OPCML: variants seen among roughly 807,000 people sequenced by gnomAD.
OPCML encodes opioid binding protein/cell adhesion molecule like.
A neutral mutation model predicts 37.8 loss-of-function variants in OPCML; 13 were observed. The ratio of observed to expected loss-of-function variants is 0.34; its 90% CI spans 0.22 to 0.55. The LOEUF (loss-of-function observed/expected upper bound fraction) is 0.55, where lower values mean the gene tolerates loss of function less well. OPCML is among the 20% of genes least tolerant of loss of function. The probability of loss-of-function intolerance (pLI) is 0.91; values close to 1 mark genes in which losing one functional copy is unlikely to be tolerated. For synonymous variants in OPCML, 176 were observed against 168.8 expected (o/e 1.04, Z -0.33); for missense variants, 341 against 435.6 (o/e 0.78, Z 1.93).
chr11:132,960,338 C>G (rs1029057718), intron 1 of OPCML, among the ~76,000 whole-genome samples: 53 of 152,302 alleles, frequency 3.5e-4, no homozygotes, highest in African/African-American at 1.1e-3. Flanking sequence ...GTTTGCTGTG[C>G]TTAGTACAGA....
intron 2 of OPCML, among the ~76,000 whole-genome samples, chr11:132,731,824 A>G (rs775998705): frequency 6.6e-6 from 1 of 152,320 alleles, no homozygotes; most frequent in African/African-American, 2.4e-5. Flanking sequence ...AAAGAAATAC[A>G]ATTGTCAACT....
chr11:133,285,654 C>T (rs1565549072), intron 1 of OPCML, among the ~76,000 whole-genome samples: 2 of 152,200 alleles, frequency 1.3e-5, no homozygotes, highest in South Asian at 2.1e-4. Context: ...CAATGCTGCT[C>T]ATTAACATAG....
chr11:132,548,359 CCTGCCCCCCTATAT>C (rs1352275885), intron 3 of OPCML, among the ~76,000 whole-genome samples: 2 of 152,148 alleles, frequency 1.3e-5, no homozygotes, highest in Non-Finnish European at 2.9e-5. Flanking sequence ...CTCCCTGGCA[CCTGCCCCCCTATAT>C]CTGCCCCAGA....
chr11:132,817,481 A>G (rs1939700955), intron 2 of OPCML, among the ~76,000 whole-genome samples: 2 of 152,090 alleles, frequency 1.3e-5, no homozygotes, highest in Admixed American at 1.3e-4. Flanking sequence ...TTTGGAAAAA[A>G]AATTTTTAAA....
At chr11:132,670,875 A>T (rs932684710) in intron 2 of OPCML, among the ~76,000 whole-genome samples, 2 of 149,624 alleles carry the variant, frequency 1.3e-5, no homozygotes, top group South Asian at 2.1e-4. Flanking sequence ...CCTAGTGTTC[A>T]TCTCTCCATC....
chr11:133,181,607 A>T (rs1172178095), intron 1 of OPCML, among the ~76,000 whole-genome samples: 1 of 152,080 alleles, frequency 6.6e-6, no homozygotes, highest in African/African-American at 2.4e-5. Context: ...TCCAGGCTGG[A>T]TCTCAGCTAC....
chr11:132,608,822 C>G (rs1938461012), intron 3 of OPCML, among the ~76,000 whole-genome samples: 1 of 152,134 alleles, frequency 6.6e-6, no homozygotes, highest in Non-Finnish European at 1.5e-5. Flanking sequence ...CCAGGGAGTT[C>G]CTTTGCTCAC....
At chr11:132,862,667 C>T (rs925878581) in intron 2 of OPCML, among the ~76,000 whole-genome samples, 3 of 152,078 alleles carry the variant, frequency 2.0e-5, no homozygotes, top group African/African-American at 7.2e-5. Flanking sequence ...GGAGATATTT[C>T]GGACGTGGCA....
At chr11:133,214,779 C>A (rs1244572823) in intron 1 of OPCML, among the ~76,000 whole-genome samples, 1 of 152,108 alleles carries the variant, frequency 6.6e-6, no homozygotes, top group African/African-American at 2.4e-5. Context: ...TTTTTCCTCT[C>A]GGTTTATGAC....
intron 2 of OPCML, among the ~76,000 whole-genome samples, chr11:132,889,946 A>C (rs1943579488): frequency 6.6e-6 from 1 of 152,220 alleles, no homozygotes; most frequent in African/African-American, 2.4e-5. Context: ...GCACCATTTT[A>C]ATAGGCAGAA....
chr11:132,804,337 G>A lies in OPCML; in HGVS notation c.146+138589C>T, dbSNP rs573588332. 2.6e-5 allele frequency among the ~76,000 whole-genome samples: 4 copies of A among 152,278 alleles called. No homozygotes were observed. The South Asian group carries it at 6.2e-4, about 24-fold the overall frequency. On this transcript the variant is annotated intron_variant, in intron 2 of 7. Coordinates refer to ENST00000524381, the MANE Select transcript of OPCML (RefSeq NM_001012393.5). Reference sequence around the variant, plus strand: ...GGAAAAATCATATTTCAAAGCAGCTGGAGATTCTAGAATTTACAAGGTGGC... The same window carrying A: ...GGAAAAATCATATTTCAAAGCAGCTAGAGATTCTAGAATTTACAAGGTGGC...
intron 1 of OPCML, among the ~76,000 whole-genome samples, chr11:133,023,946 G>A (rs1346871594): frequency 6.6e-6 from 1 of 152,132 alleles, no homozygotes; most frequent in Non-Finnish European, 1.5e-5. Context: ...GGTGAAGGAA[G>A]AATAACAGTC....
At chr11:133,389,288 TGAGA>T (rs1251155502) in intron 1 of OPCML, among the ~76,000 whole-genome samples, 1 of 152,204 alleles carries the variant, frequency 6.6e-6, no homozygotes, top group East Asian at 1.9e-4. Context: ...AGAATTACAC[TGAGA>T]GATAGATGAT....
intron 1 of OPCML, among the ~76,000 whole-genome samples, chr11:133,117,187 G>A (rs1357815386): frequency 6.6e-6 from 1 of 152,106 alleles, no homozygotes; most frequent in Non-Finnish European, 1.5e-5. Context: ...CATTTCAAAT[G>A]TTCTGATGGT....
chr11:133,271,682 A>G (rs1941839300), intron 1 of OPCML, among the ~76,000 whole-genome samples: 1 of 152,160 alleles, frequency 6.6e-6, no homozygotes, highest in Admixed American at 6.5e-5. Flanking sequence ...CAATATTCTC[A>G]CCCCTATGCA....
chr11:132,875,133 A>T (rs1055700465), intron 2 of OPCML, among the ~76,000 whole-genome samples: 5 of 152,214 alleles, frequency 3.3e-5, no homozygotes, highest in African/African-American at 1.2e-4. Context: ...ACCATTTTTT[A>T]AAAAATGAAT....
At chr11:132,802,868 C>A (rs976585132) in intron 2 of OPCML, among the ~76,000 whole-genome samples, 1 of 152,218 alleles carries the variant, frequency 6.6e-6, no homozygotes, top group South Asian at 2.1e-4. Context: ...GTCTTTGAAG[C>A]AATTTATTGT....
At position 132,416,817 on chromosome 11, in the gene OPCML, A is replaced by C. The variant is rs547271674; in HGVS notation, c.*3376T>G. On this transcript the variant is annotated 3_prime_UTR_variant, in exon 8 of 8. Coordinates refer to ENST00000524381, the MANE Select transcript of OPCML (RefSeq NM_001012393.5). ...CTCTACATCTCCCCCTCCCTGAATTAAAGCAAGAATGAGAAAAACTAAACA... is the reference window on the plus strand; with the variant it reads ...CTCTACATCTCCCCCTCCCTGAATTCAAGCAAGAATGAGAAAAACTAAACA... 9.2e-5 allele frequency: 14 copies of C among 152,754 alleles called. 1 individual carries two copies. The highest frequency in any genetic ancestry group is 9.2e-4 in the Admixed American group (14 of 15,292). 9.5% of individuals were successfully genotyped at this position (152,754 alleles called of 1,614,324 possible).
chr11:132,455,637 A>G (rs1389051840), intron 4 of OPCML, among the ~76,000 whole-genome samples: 1 of 152,216 alleles, frequency 6.6e-6, no homozygotes, highest in Non-Finnish European at 1.5e-5. Flanking sequence ...TGTAGACACT[A>G]CATTATATGT....
Sources: gnomAD v4.1 joint callset for allele counts (sites outside exome capture counted in the v4.1 genomes callset) on GRCh38, gnomAD v4.1.1 for gene constraint, MANE v1.5 for transcripts, NCBI Gene and HGNC (gene_info 2026-07-23, HGNC 2026-07-21) for gene names.